Variants in ESR1 observed in about 807,000 individuals in gnomAD.
ESR1 encodes estrogen receptor.
A neutral mutation model predicts 52.7 loss-of-function variants in ESR1; 12 were observed. That is an observed-to-expected ratio of 0.23 (90% confidence interval 0.15 to 0.37). The LOEUF (loss-of-function observed/expected upper bound fraction) is 0.37. ESR1 is among the 10% of genes least tolerant of loss of function. The pLI is 1.00. For missense variants in ESR1, 584 were observed against 779.7 expected (o/e 0.75, Z 2.99); for synonymous variants, 305 against 316.8 (o/e 0.96, Z 0.39).
At chr6:151,887,049 A>AG (rs1793974879) in intron 3 of ESR1, among the ~76,000 whole-genome samples, 2 of 152,004 alleles carry the variant, frequency 1.3e-5, no homozygotes, top group African/African-American at 4.8e-5. Flanking sequence ...TCAAAAAAAA[A>AG]AAAAAAAGTA....
At chr6:152,033,951 C>G (rs538477158) in intron 5 of ESR1, among the ~76,000 whole-genome samples, 2 of 152,248 alleles carry the variant, frequency 1.3e-5, no homozygotes, top group Non-Finnish European at 2.9e-5. Context: ...CCATGGAATA[C>G]TATGCAGCCA....
intron 4 of ESR1, among the ~76,000 whole-genome samples, chr6:151,945,248 G>C (rs901215149): frequency 1.3e-5 from 2 of 152,106 alleles, no homozygotes; most frequent in East Asian, 3.9e-4. Context: ...CACAAAAAAA[G>C]AGAAAGATCT....
At chr6:151,896,817 A>C (rs1350328821) in intron 3 of ESR1, among the ~76,000 whole-genome samples, 2 of 152,108 alleles carry the variant, frequency 1.3e-5, no homozygotes, top group Admixed American at 1.3e-4. Context: ...GTAGGCATTT[A>C]AGGCTGTGAA....
chr6:152,085,271 C>G (rs1236927070), intron 6 of ESR1, among the ~76,000 whole-genome samples: 1 of 151,930 alleles, frequency 6.6e-6, no homozygotes, highest in Non-Finnish European at 1.5e-5. Flanking sequence ...CCACTGTACT[C>G]CACCCTGGGT....
rs141508452 is a variant in ESR1 at position 152,012,017 on chromosome 6, T to TACACACACAC, written c.1235+244_1235+253dup. On this transcript the variant is annotated intron_variant, in intron 5 of 7. Transcript: ENST00000206249. ...CTCAGAAGAATTCTATTATTTCTAA[T>TACACACACAC]ACACACACACACACACACACACACA... is the stretch of plus-strand genomic sequence containing the variant. 0.091 allele frequency among the ~76,000 whole-genome samples: 12,860 copies of TACACACACAC among 141,528 alleles called. 694 individuals carry two copies. The highest frequency in any genetic ancestry group is 0.15 in the East Asian group (711 of 4,690). The allele number at this position is 141,528 out of a possible 152,430, so 92.8% of individuals were successfully genotyped here.
chr6:152,008,230 G>A (rs1186297036), intron 4 of ESR1, among the ~76,000 whole-genome samples: 1 of 152,014 alleles, frequency 6.6e-6, no homozygotes, highest in Admixed American at 6.6e-5. Flanking sequence ...AACCTTTCCT[G>A]CACACTCTCT....
At chr6:151,880,971 A>G (rs9340849) in intron 3 of ESR1, among the ~76,000 whole-genome samples, 200 bp downstream of exon 3, 7 of 152,208 alleles carry the variant, frequency 4.6e-5, no homozygotes, top group African/African-American at 1.7e-4. Context: ...GGAACTGGAA[A>G]TTCTAACATG....
intron 3 of ESR1, among the ~76,000 whole-genome samples, chr6:151,897,656 G>A (rs1358793921): frequency 6.6e-6 from 1 of 152,184 alleles, no homozygotes; most frequent in Non-Finnish European, 1.5e-5. Context: ...TATCTTTTAA[G>A]TGGAGCATTT....
At chr6:151,962,630 T>G (rs2037801247) in intron 4 of ESR1, among the ~76,000 whole-genome samples, 2 of 152,236 alleles carry the variant, frequency 1.3e-5, no homozygotes. Context: ...AACAAAAGTA[T>G]GTGGCTTCTT....
intron 1 of ESR1, among the ~76,000 whole-genome samples, chr6:151,840,549 C>T (rs546020562): frequency 6.6e-6 from 1 of 152,300 alleles, no homozygotes; most frequent in South Asian, 2.1e-4. Flanking sequence ...TTGAGAACCA[C>T]TACCACAAAA....
At chr6:151,823,874 A>G (rs1781018409) in intron 1 of ESR1, among the ~76,000 whole-genome samples, 1 of 152,128 alleles carries the variant, frequency 6.6e-6, no homozygotes, top group Non-Finnish European at 1.5e-5. Context: ...TCTATCATTG[A>G]TGGATGTTTG....
intron 3 of ESR1, among the ~76,000 whole-genome samples, chr6:151,917,871 T>C (rs1306338322): frequency 2.0e-5 from 3 of 152,196 alleles, no homozygotes; most frequent in Non-Finnish European, 2.9e-5. Flanking sequence ...TTTGCCAATA[T>C]GATTGAGCAA....
intron 1 of ESR1, among the ~76,000 whole-genome samples, chr6:151,695,472 T>G (rs754238879): frequency 1.2e-4 from 19 of 152,180 alleles, no homozygotes; most frequent in Non-Finnish European, 2.4e-4. Flanking sequence ...GCCACTGGCT[T>G]TTTGACATTT....
intron 5 of ESR1, among the ~76,000 whole-genome samples, chr6:152,056,356 C>T (rs569848428): frequency 9.2e-5 from 14 of 152,310 alleles, no homozygotes; most frequent in Non-Finnish European, 2.1e-4. Context: ...TACTTTTCTT[C>T]AGGACAGCTA....
At chr6:151,880,628 T>G (rs778281774) in intron 2 of ESR1, 27 bp from the exon 3 acceptor site, 3 of 1,326,300 alleles carry the variant, frequency 2.3e-6, no homozygotes, top group Non-Finnish European at 3.3e-6. Context: ...TGAAATAATA[T>G]TAATTCTGTC....
At chr6:151,756,562 A>G (rs1376917559) in intron 2 of ESR1, among the ~76,000 whole-genome samples, 1 of 152,218 alleles carries the variant, frequency 6.6e-6, no homozygotes, top group Non-Finnish European at 1.5e-5. Context: ...ACACTAGAAT[A>G]TAAGCTCTAT....
intron 3 of ESR1, among the ~76,000 whole-genome samples, chr6:151,898,098 G>A (rs1318273035): frequency 6.6e-6 from 1 of 152,106 alleles, no homozygotes; most frequent in East Asian, 1.9e-4. Flanking sequence ...TAGGTTACCT[G>A]GTGCTTTTGC....
chr6:151,759,482 T>C (rs988753345), intron 2 of ESR1, among the ~76,000 whole-genome samples: 1 of 151,912 alleles, frequency 6.6e-6, no homozygotes, highest in Admixed American at 6.6e-5. Flanking sequence ...AACCTGCACA[T>C]TGTGCACATG....
chr6:151,844,087 GT>G (rs1784723331), intron 2 of ESR1, among the ~76,000 whole-genome samples: 1 of 151,306 alleles, frequency 6.6e-6, no homozygotes, highest in Non-Finnish European at 1.5e-5. Context: ...ATTCTCAATA[GT>G]AATCTTTGTG....
Sources: gnomAD v4.1 joint callset for allele counts (sites outside exome capture counted in the v4.1 genomes callset) on GRCh38, gnomAD v4.1.1 for gene constraint, MANE v1.5 for transcripts, NCBI Gene and HGNC (gene_info 2026-07-23, HGNC 2026-07-21) for gene names.